The following GPM6B variants were observed in gnomAD, a reference collection of about 807,000 sequenced individuals.
The protein encoded by GPM6B is glycoprotein M6B, also known as neuronal membrane glycoprotein M6-b.
A neutral mutation model predicts 27.2 loss-of-function variants in GPM6B; 4 were observed. The ratio of observed to expected loss-of-function variants is 0.15; its 90% CI spans 0.07 to 0.34. The LOEUF is 0.34. Among genes scored for constraint, GPM6B ranks in the 10% least tolerant of loss-of-function variants. The probability of loss-of-function intolerance (pLI) is 1.00; values close to 1 mark genes in which losing one functional copy is unlikely to be tolerated. For synonymous variants in GPM6B, 124 were observed against 103.1 expected (o/e 1.20, Z -1.23); for missense variants, 183 against 261.9 (o/e 0.70, Z 2.08).
At chrX:13,810,883 A>G (rs1299893884) in intron 1 of GPM6B, among the ~76,000 whole-genome samples, 1 of 111,962 alleles carries the variant, frequency 8.9e-6, no homozygotes, top group African/African-American at 3.2e-5. Context: ...GATATGAAAG[A>G]AAAGAAAAAT....
intron 3 of GPM6B, among the ~76,000 whole-genome samples, chrX:13,784,216 C>T (rs752114032): frequency 2.1e-4 from 24 of 112,832 alleles, no homozygotes. Context: ...TGGATCCCGC[C>T]CCCAGAGATT....
intron 2 of GPM6B, among the ~76,000 whole-genome samples, chrX:13,803,391 C>T (rs1244887458): frequency 9.0e-6 from 1 of 111,115 alleles, no homozygotes; most frequent in Non-Finnish European, 1.9e-5. Context: ...AATACCAACA[C>T]TCCAGAGGGC....
chrX:13,929,267 A>C (rs1258998449), intron 1 of GPM6B, among the ~76,000 whole-genome samples: 4 of 111,355 alleles, frequency 3.6e-5, no homozygotes, highest in Non-Finnish European at 7.5e-5. Flanking sequence ...AGGTGCACTA[A>C]TCATTAGAAG....
At chrX:13,877,225 G>A (rs900503654) in intron 1 of GPM6B, among the ~76,000 whole-genome samples, 1 of 111,867 alleles carries the variant, frequency 8.9e-6, no homozygotes, top group African/African-American at 3.3e-5. Flanking sequence ...TTGAAGAGTG[G>A]ATTGTGATAT....
intron 1 of GPM6B, among the ~76,000 whole-genome samples, chrX:13,855,733 G>A (rs1332559753): frequency 8.9e-6 from 1 of 111,895 alleles, no homozygotes; most frequent in Admixed American, 9.5e-5. Flanking sequence ...GCAAGATACA[G>A]AACACTTCTG....
intron 6 of GPM6B, among the ~76,000 whole-genome samples, chrX:13,776,883 T>C (rs940791533): frequency 8.9e-6 from 1 of 111,986 alleles, no homozygotes; most frequent in South Asian, 3.7e-4. Flanking sequence ...TCCAGAAATA[T>C]AAATGATTAA....
chrX:13,797,468 G>A (rs995348153), intron 2 of GPM6B, among the ~76,000 whole-genome samples: 9 of 111,068 alleles, frequency 8.1e-5, no homozygotes, highest in African/African-American at 2.0e-4. Flanking sequence ...ATGTGATGTG[G>A]GAGACGTGGG....
chrX:13,888,272 T>C (rs193044604), intron 1 of GPM6B, among the ~76,000 whole-genome samples: 1 of 112,489 alleles, frequency 8.9e-6, no homozygotes, highest in Non-Finnish European at 1.9e-5. Context: ...CTTTCAATCA[T>C]AACAGATCTT....
intron 1 of GPM6B, among the ~76,000 whole-genome samples, chrX:13,826,714 G>T (rs946775972): frequency 9.0e-6 from 1 of 111,034 alleles, no homozygotes; most frequent in Non-Finnish European, 1.9e-5. Context: ...CTCCAGCCTG[G>T]GTGACAGAGT....
chrX:13,936,441 C>T (rs1252426706), intron 1 of GPM6B, among the ~76,000 whole-genome samples: 3 of 111,948 alleles, frequency 2.7e-5, no homozygotes, highest in Non-Finnish European at 5.6e-5. Flanking sequence ...AAAGTCCCGA[C>T]TTAATGGGCC....
chrX:13,863,679 G>C (rs1406751715), intron 1 of GPM6B, among the ~76,000 whole-genome samples: 1 of 112,044 alleles, frequency 8.9e-6, no homozygotes, highest in African/African-American at 3.2e-5. Context: ...AGAGCCGAGA[G>C]ATTATTTTAA....
At chrX:13,777,200 T>C (rs1453644946) in intron 6 of GPM6B, 152 bp downstream of exon 6, 2 of 444,453 alleles carry the variant, frequency 4.5e-6, no homozygotes, top group African/African-American at 2.4e-5. Flanking sequence ...GGCTGAATAG[T>C]GATGGTTACA....
At chrX:13,786,610 CAG>C (rs2048617482) in intron 2 of GPM6B, among the ~76,000 whole-genome samples, 1 of 110,307 alleles carries the variant, frequency 9.1e-6, no homozygotes, top group South Asian at 3.9e-4. Flanking sequence ...CACACACGTT[CAG>C]AGTCAGAACC....
chrX:13,771,500 CTTCCT>C lies in GPM6B; in HGVS notation c.*1376_*1380del, dbSNP rs1470429060. On this transcript the variant is annotated 3_prime_UTR_variant, in exon 8 of 8. Transcript: ENST00000316715. ...TTAATAGCATCTTGATAAAGGTATG[CTTCCT>C]TTCATTTGAATACATTTCTGCACAT... is the stretch of plus-strand genomic sequence containing the variant. 8.9e-6 allele frequency: 1 copy of C among 112,124 alleles called. No individual in the cohort carries two copies. Among genetic ancestry groups the C allele is most frequent in the South Asian group, 3.7e-4 (1 of 2,706 alleles). 9.2% of individuals were successfully genotyped at this position (112,124 alleles called of 1,213,427 possible). A position where few individuals can be genotyped will look rare whatever the true frequency, so the allele number is the denominator to read the frequency against.
chrX:13,938,083 G>A (rs1266559495), intron 1 of GPM6B, among the ~76,000 whole-genome samples: 1 of 111,192 alleles, frequency 9.0e-6, no homozygotes, highest in Non-Finnish European at 1.9e-5. Flanking sequence ...GGCGGGGCGG[G>A]GCGGGGCAGG....
intron 1 of GPM6B, among the ~76,000 whole-genome samples, chrX:13,864,430 C>CA (rs1487313714): frequency 2.0e-4 from 22 of 112,756 alleles, no homozygotes; most frequent in African/African-American, 7.1e-4. Context: ...CTTGGGAGGA[C>CA]ACTGACATGA....
At chrX:13,809,077 G>T (rs1228903497) in intron 1 of GPM6B, among the ~76,000 whole-genome samples, 1 of 111,764 alleles carries the variant, frequency 8.9e-6, no homozygotes, top group Non-Finnish European at 1.9e-5. Flanking sequence ...ACTATGCACT[G>T]CACTCAGCAT....
intron 1 of GPM6B, among the ~76,000 whole-genome samples, chrX:13,916,413 G>A (rs891725441): frequency 9.0e-6 from 1 of 111,561 alleles, no homozygotes; most frequent in African/African-American, 3.3e-5. Flanking sequence ...ATGCAATTCA[G>A]GCTCAGATAT....
intron 1 of GPM6B, among the ~76,000 whole-genome samples, chrX:13,921,112 T>C (rs1399277693): frequency 8.9e-6 from 1 of 111,869 alleles, no homozygotes; most frequent in African/African-American, 3.2e-5. Flanking sequence ...TTGTAAGAGT[T>C]TAATGAATAT....
Sources: allele counts gnomAD v4.1 joint callset (sites outside exome capture counted in the v4.1 genomes callset), GRCh38; gene constraint gnomAD v4.1.1; transcripts MANE v1.5; gene names NCBI Gene and HGNC (gene_info 2026-07-23, HGNC 2026-07-21).